The following PRKDC variants were observed in gnomAD, a reference collection of about 807,000 sequenced individuals.
PRKDC encodes DNA-dependent protein kinase catalytic subunit.
A neutral mutation model predicts 486.9 loss-of-function variants in PRKDC; 82 were observed. The ratio of observed to expected loss-of-function variants is 0.17; its 90% CI spans 0.14 to 0.20. PRKDC has a LOEUF of 0.20. Ranked by LOEUF, PRKDC falls within the 10% of genes least tolerant of loss-of-function variation. PRKDC has a pLI of 1.00. For synonymous variants in PRKDC, 1,895 were observed against 1,837.0 expected, an observed-to-expected ratio of 1.03 and a Z score of -0.81; for missense variants, 4,504 against 5,038.2, an observed-to-expected ratio of 0.89 and a Z score of 3.21.
intron 59 of PRKDC, 120 bp from the exon 60 acceptor site, chr8:47,832,046 G>T: frequency 3.7e-6 from 3 of 821,350 alleles, no homozygotes; most frequent in Non-Finnish European, 5.9e-6. Context: ...GGCAGCGACC[G>T]GGAGCAGGAG....
In PRKDC at chr8:47,935,864, C is replaced by A; in HGVS notation, c.1315G>T (p.Val439Leu). 1 of 1,613,932 alleles carries A rather than the reference C, an allele frequency of 6.2e-7. No homozygotes were observed. Among genetic ancestry groups the A allele is most frequent in the Non-Finnish European group, 8.5e-7 (1 of 1,179,846 alleles). Reference protein sequence around the residue: ...EVYTPVLEHLVVMQIDSFPQY... With the variant: ...EVYTPVLEHLLVMQIDSFPQY... Reference sequence around the variant, plus strand: ...GGGAAACTGTCTATCTGCATCACCACGAGGTGCTCCAGAACTGGAGTATAC... The same window carrying A: ...GGGAAACTGTCTATCTGCATCACCAAGAGGTGCTCCAGAACTGGAGTATAC... The change falls in exon 13 of 86, where the codon GTG becomes TTG. Residue 439 changes from valine (V) to leucine (L), a missense_variant. This residue lies in a region of PRKDC where 1,969 missense variants were observed against 2,068.9 expected (regional missense o/e 0.95). Transcript: ENST00000314191.
intron 64 of PRKDC, among the ~76,000 whole-genome samples, chr8:47,823,469 C>T (rs372074135): frequency 6.6e-6 from 1 of 151,788 alleles, no homozygotes; most frequent in Admixed American, 6.6e-5. Flanking sequence ...AAGGCAGCAC[C>T]ATACTTCCTG....
chr8:47,845,435 G>C (rs577458321), intron 54 of PRKDC, among the ~76,000 whole-genome samples: 1 of 152,062 alleles, frequency 6.6e-6, no homozygotes, highest in African/African-American at 2.4e-5. Flanking sequence ...ATCTAAATAA[G>C]CACAATAAGA....
intron 43 of PRKDC, 83 bp downstream of exon 43, chr8:47,862,290 T>G: frequency 1.4e-6 from 2 of 1,449,870 alleles, no homozygotes; most frequent in Non-Finnish European, 1.9e-6. Flanking sequence ...TAAGATGGTA[T>G]AAATTATCTG....
intron 7 of PRKDC, among the ~76,000 whole-genome samples, chr8:47,944,291 A>G (rs2090493613): frequency 6.6e-6 from 1 of 152,122 alleles, no homozygotes; most frequent in African/African-American, 2.4e-5. Context: ...AGATTTAAAC[A>G]CCAACTCATC....
intron 17 of PRKDC, 27 bp from the exon 18 acceptor site, chr8:47,930,039 G>A: frequency 6.4e-7 from 1 of 1,570,048 alleles, no homozygotes; most frequent in Non-Finnish European, 8.7e-7. Context: ...GAAATTGAAG[G>A]TAGAAATTTG....
At chr8:47,855,949 A>T (rs2088530255) in intron 49 of PRKDC, among the ~76,000 whole-genome samples, 1 of 152,004 alleles carries the variant, frequency 6.6e-6, no homozygotes, top group Non-Finnish European at 1.5e-5. Context: ...CTTCACGGCA[A>T]CCTTTCTGGC....
chr8:47,815,533 G>GAGATAA (rs2087425176), intron 68 of PRKDC, among the ~76,000 whole-genome samples: 2 of 152,196 alleles, frequency 1.3e-5, no homozygotes, highest in Non-Finnish European at 2.9e-5. Flanking sequence ...AGGGGAGCCT[G>GAGATAA]TTGGCCAAAT....
At chr8:47,804,998 G>A (rs1418852790) in intron 69 of PRKDC, 1 of 152,136 alleles carries the variant, frequency 6.6e-6, no homozygotes, top group Non-Finnish European at 1.5e-5. Flanking sequence ...CTGACCTCAG[G>A]TGATCCACCT....
At chr8:47,775,996 G>T (rs2086602420) in intron 85 of PRKDC, among the ~76,000 whole-genome samples, 1 of 151,914 alleles carries the variant, frequency 6.6e-6, no homozygotes, top group South Asian at 2.1e-4. Context: ...GCTAATTTTT[G>T]TATTTTTAGT....
At chr8:47,937,922 CTGTG>C (rs367691477) in intron 11 of PRKDC, among the ~76,000 whole-genome samples, 54 of 152,172 alleles carry the variant, frequency 3.5e-4, no homozygotes, top group African/African-American at 6.5e-4. Context: ...CATGAACAGT[CTGTG>C]TAACGAAGTG....
intron 73 of PRKDC, 75 bp downstream of exon 73, chr8:47,798,162 C>T (rs1161696561): frequency 7.5e-6 from 11 of 1,473,576 alleles, no homozygotes; most frequent in South Asian, 5.1e-5. Context: ...CACACACTAA[C>T]GCGTTTGAAT....
At chr8:47,959,946 C>A in intron 1 of PRKDC, 27 bp downstream of exon 1, 1 of 1,531,414 alleles carries the variant, frequency 6.5e-7, no homozygotes, top group South Asian at 1.2e-5. Flanking sequence ...AGGACCCACC[C>A]GCGGCCCAGC....
chr8:47,888,750 G>A (rs2089390966), intron 33 of PRKDC, 100 bp from the exon 34 acceptor site: 2 of 1,410,602 alleles, frequency 1.4e-6, no homozygotes, highest in South Asian at 3.2e-5. Flanking sequence ...AGCAAACAGA[G>A]GCAACATCTA....
Position 47,858,554 on chromosome 8 carries a change from G to T in PRKDC, c.6427C>A (p.Arg2143Ser). 1 of 1,547,008 alleles carries T rather than the reference G, an allele frequency of 6.5e-7. No individual in the cohort carries two copies. ...ATAACAAGCTTGGCTAAGAAGAGAC[G>T]GATATTTAATGGTACTATTGGATTT... is the stretch of plus-strand genomic sequence containing the variant. ...LGNPIVPLNI[R>S]LFLAKLVINT... is the part of the protein sequence containing the mutation. The change falls in exon 48 of 86, where the codon CGT (arginine) becomes AGT (serine). Residue 2143 changes from arginine to serine, a missense_variant. Transcript: ENST00000314191.
intron 38 of PRKDC, among the ~76,000 whole-genome samples, chr8:47,880,834 AC>A (rs558050223): frequency 7.2e-4 from 109 of 152,070 alleles, no homozygotes; most frequent in Non-Finnish European, 9.7e-4. Flanking sequence ...CAGGCAGATC[AC>A]TTGAAGTCAG....
In PRKDC at chr8:47,819,550, C is replaced by T. The variant is rs771442725; in HGVS notation, c.9337-40G>A. On this transcript the variant is annotated intron_variant, in intron 66 of 85. Coordinates refer to ENST00000314191, the MANE Select transcript of PRKDC (RefSeq NM_006904.7). ...AAAAAAAAAAGGGCATTTACAAATG[C>T]CATGTTATAAATCAATCAAGCTGTG... The T allele has an allele frequency of 4.6e-6, 5 of 1,095,730 alleles. No homozygotes were observed. The African/African-American group carries it at 5.0e-5, about 11-fold the overall frequency. The allele number at this position is 1,095,730 out of a possible 1,614,324, so 67.9% of individuals were successfully genotyped here. A position where few individuals can be genotyped will look rare whatever the true frequency, so the allele number is the denominator to read the frequency against.
intron 7 of PRKDC, among the ~76,000 whole-genome samples, chr8:47,945,506 G>T (rs745609583): frequency 3.9e-5 from 6 of 152,134 alleles, no homozygotes; most frequent in Non-Finnish European, 8.8e-5. Flanking sequence ...CACATTGTTT[G>T]CCTTTCGTGG....
Position 47,788,892 on chromosome 8 carries a change from G to A in PRKDC, c.10902+14C>T. On this transcript the variant is annotated intron_variant, in intron 76 of 85. Transcript: ENST00000314191. ...GACTCTGCTATCAAAATAGCAGGCT[G>A]TGCCAGTCCATACCTGAATAAACTT... The A allele has an allele frequency of 6.4e-7, 1 of 1,558,616 alleles. No individual in the cohort carries two copies. Among genetic ancestry groups the A allele is most frequent in the East Asian group, 2.3e-5 (1 of 44,220 alleles).
Sources: allele counts gnomAD v4.1 joint callset (sites outside exome capture counted in the v4.1 genomes callset), GRCh38; gene constraint gnomAD v4.1.1; regional missense constraint gnomAD v4.1.1; transcripts MANE v1.5; gene names NCBI Gene and HGNC (gene_info 2026-07-23, HGNC 2026-07-21).